CSMD1: variants seen among roughly 807,000 people sequenced by gnomAD.
CSMD1 encodes CUB and Sushi multiple domains 1.
In CSMD1, 213 loss-of-function variants were observed where a neutral mutation model predicts 417.5. That is an observed-to-expected ratio of 0.51 (90% confidence interval 0.46 to 0.57). CSMD1 has a LOEUF of 0.57. CSMD1 is among the 20% of genes least tolerant of loss of function. CSMD1 has a pLI of 0.00. For synonymous variants in CSMD1, 2,862 were observed against 1,736.8 expected (o/e 1.65, Z -16.11); for missense variants, 6,923 against 4,529.7 (o/e 1.53, Z -15.17).
intron 3 of CSMD1, among the ~76,000 whole-genome samples, chr8:4,319,743 G>C (rs193276641): frequency 6.6e-6 from 1 of 152,088 alleles, no homozygotes; most frequent in Non-Finnish European, 1.5e-5. Context: ...GACTTGCCGG[G>C]GGGCCAAAGG....
chr8:4,429,611 G>A (rs574620471), intron 2 of CSMD1, among the ~76,000 whole-genome samples: 2 of 152,132 alleles, frequency 1.3e-5, no homozygotes, highest in African/African-American at 4.8e-5. Context: ...AAAGTTTAGA[G>A]ACTATTCCAG....
At chr8:4,659,507 A>C (rs374578114) in intron 1 of CSMD1, among the ~76,000 whole-genome samples, 1 of 152,168 alleles carries the variant, frequency 6.6e-6, no homozygotes. Flanking sequence ...TGAACCTTGA[A>C]AACATGCTAA....
At chr8:3,487,551 A>G (rs1361818680) in intron 11 of CSMD1, among the ~76,000 whole-genome samples, 1 of 152,188 alleles carries the variant, frequency 6.6e-6, no homozygotes, top group East Asian at 1.9e-4. Flanking sequence ...ATAAATCGAT[A>G]CATCTAGTCA....
chr8:3,792,716 G>T (rs1465150999), intron 5 of CSMD1, among the ~76,000 whole-genome samples: 2 of 152,182 alleles, frequency 1.3e-5, no homozygotes, highest in Non-Finnish European at 2.9e-5. Flanking sequence ...AGTCAAGTTG[G>T]TGAAAGAGTT....
intron 2 of CSMD1, among the ~76,000 whole-genome samples, chr8:4,423,736 A>C (rs1356271973): frequency 1.9e-5 from 2 of 105,530 alleles, no homozygotes; most frequent in Middle Eastern, 5.7e-3. Flanking sequence ...GCAAACAAAC[A>C]AAAAAAAATA....
At chr8:4,274,774 T>A (rs1204808676) in intron 3 of CSMD1, among the ~76,000 whole-genome samples, 1 of 152,106 alleles carries the variant, frequency 6.6e-6, no homozygotes, top group Admixed American at 6.6e-5. Context: ...ATTATTAGAA[T>A]TTTTTATCAC....
chr8:4,799,541 G>T (rs532780028), intron 1 of CSMD1, among the ~76,000 whole-genome samples: 1 of 132,492 alleles, frequency 7.5e-6, no homozygotes, highest in Admixed American at 9.0e-5. Context: ...GGAGGTTGCA[G>T]TGAGCTGAGA....
chr8:4,641,641 C>A (rs1333002861), intron 1 of CSMD1, among the ~76,000 whole-genome samples: 1 of 152,172 alleles, frequency 6.6e-6, no homozygotes, highest in Non-Finnish European at 1.5e-5. Flanking sequence ...AGCCGTCCCA[C>A]CAAACCCAGT....
chr8:3,944,037 G>A (rs541832104), intron 5 of CSMD1, among the ~76,000 whole-genome samples: 3 of 152,166 alleles, frequency 2.0e-5, no homozygotes, highest in African/African-American at 7.2e-5. Flanking sequence ...GGTTGTGAAA[G>A]AACATGTTCT....
At chr8:4,198,793 C>G (rs953814609) in intron 3 of CSMD1, among the ~76,000 whole-genome samples, 14 of 152,096 alleles carry the variant, frequency 9.2e-5, no homozygotes, top group African/African-American at 3.1e-4. Flanking sequence ...ATCGACTTTA[C>G]TAGATTAACA....
In CSMD1 at chr8:3,527,689, G is replaced by A. The variant is rs564546042; in HGVS notation, c.1345-33963C>T. Among the ~76,000 whole-genome samples, 136 of 152,236 alleles carry A rather than the reference G, an allele frequency of 8.9e-4. 1 individual carries two copies. The highest frequency in any genetic ancestry group is 4.7e-3 in the Admixed American group (72 of 15,296). On this transcript the variant is annotated intron_variant, in intron 10 of 69. Transcript: ENST00000635120. ...TGCCAATTTGCTGGCTCTGCTTTTG[G>A]CTTAGAGCAATGTGACCCTTACCAC... is the stretch of plus-strand genomic sequence containing the variant.
chr8:3,334,773 G>A (rs896091200), intron 23 of CSMD1, among the ~76,000 whole-genome samples: 3 of 152,208 alleles, frequency 2.0e-5, no homozygotes, highest in Non-Finnish European at 4.4e-5. Context: ...TGCAGAGTAA[G>A]TAGAGTGGGA....
intron 5 of CSMD1, among the ~76,000 whole-genome samples, chr8:3,971,612 TCTA>T (rs901576651): frequency 6.6e-6 from 1 of 152,166 alleles, no homozygotes; most frequent in Non-Finnish European, 1.5e-5. Flanking sequence ...GACGGTCACT[TCTA>T]CTTCTATTTC....
intron 1 of CSMD1, among the ~76,000 whole-genome samples, chr8:4,756,491 A>C (rs1235003366): frequency 6.6e-6 from 1 of 152,176 alleles, no homozygotes; most frequent in African/African-American, 2.4e-5. Flanking sequence ...TATAAATGTA[A>C]ATAATATTTG....
intron 1 of CSMD1, among the ~76,000 whole-genome samples, chr8:4,735,900 G>C (rs76841652): frequency 2.0e-5 from 3 of 152,166 alleles, no homozygotes; most frequent in East Asian, 1.9e-4. Flanking sequence ...CTTTACTAGA[G>C]ATTTACTGAT....
At chr8:3,144,798 G>GT (rs199919370) in intron 40 of CSMD1, among the ~76,000 whole-genome samples, 4 of 86,900 alleles carry the variant, frequency 4.6e-5, no homozygotes, top group African/African-American at 1.1e-4. Flanking sequence ...GCAACAAGGG[G>GT]GGGGGGGAGG....
intron 2 of CSMD1, among the ~76,000 whole-genome samples, chr8:4,559,332 A>C (rs189174977): frequency 3.9e-5 from 6 of 152,304 alleles, no homozygotes. Context: ...TTTAATTTTC[A>C]GTTTTCTGTT....
At chr8:2,993,018 T>A (rs1806535890) in intron 54 of CSMD1, among the ~76,000 whole-genome samples, 1 of 152,138 alleles carries the variant, frequency 6.6e-6, no homozygotes, top group African/African-American at 2.4e-5. Flanking sequence ...AAAGCATGAG[T>A]CACTATGCCT....
rs1373211315 is a variant in CSMD1 at position 3,927,069 on chromosome 8, TAGTA to T, written c.818+70830_818+70833del. Reference sequence around the variant, plus strand: ...CTTTATGTTTTTATAAGAGGTAATTTAGTATTTATTGTAATTATCTTTAGGTATT... The same window carrying T: ...CTTTATGTTTTTATAAGAGGTAATTTTTTATTGTAATTATCTTTAGGTATT... On this transcript the variant is annotated intron_variant, in intron 5 of 69. Transcript: ENST00000635120. Among the ~76,000 whole-genome samples, 3 of 152,098 alleles carry T rather than the reference TAGTA, an allele frequency of 2.0e-5. No homozygotes were observed. In the East Asian group the frequency reaches 5.8e-4, roughly 29 times the overall value.
Sources: allele counts gnomAD v4.1 joint callset (sites outside exome capture counted in the v4.1 genomes callset), GRCh38; gene constraint gnomAD v4.1.1; transcripts MANE v1.5; gene names NCBI Gene and HGNC (gene_info 2026-07-23, HGNC 2026-07-21).